HS3ST5: variants seen among roughly 807,000 people sequenced by gnomAD.
HS3ST5 encodes the protein heparan sulfate glucosamine 3-O-sulfotransferase 5.
In HS3ST5, 10 loss-of-function variants were observed where a neutral mutation model predicts 25.4. The observed-to-expected ratio is 0.39, with a 90% confidence interval of 0.24 to 0.67. The LOEUF is 0.67. Among genes scored for constraint, HS3ST5 ranks in the 30% least tolerant of loss-of-function variants. The pLI, the probability that HS3ST5 is intolerant of heterozygous loss-of-function variation, is 0.44. For synonymous variants in HS3ST5, 170 were observed against 162.4 expected (o/e 1.05, Z -0.36); for missense variants, 324 against 420.7 (o/e 0.77, Z 2.01).
At chr6:114,229,102 T>C (rs1335468334) in intron 1 of HS3ST5, among the ~76,000 whole-genome samples, 1 of 152,118 alleles carries the variant, frequency 6.6e-6, no homozygotes, top group Non-Finnish European at 1.5e-5. Context: ...GTTGATGAGG[T>C]CTCTTGGAAA....
intron 1 of HS3ST5, among the ~76,000 whole-genome samples, chr6:114,287,762 A>G (rs1774400984): frequency 6.6e-6 from 1 of 152,004 alleles, no homozygotes; most frequent in South Asian, 2.1e-4. Flanking sequence ...CCATAGCAGA[A>G]CCGACCAATG....
chr6:114,122,809 T>C (rs544306244), intron 3 of HS3ST5, among the ~76,000 whole-genome samples: 1 of 152,348 alleles, frequency 6.6e-6, no homozygotes, highest in South Asian at 2.1e-4. Context: ...CATAACATTA[T>C]TGTTTTAAAC....
intron 3 of HS3ST5, among the ~76,000 whole-genome samples, chr6:114,092,668 T>G (rs1475420433): frequency 6.6e-6 from 1 of 151,240 alleles, no homozygotes; most frequent in African/African-American, 2.4e-5. Context: ...ATTTATTTAT[T>G]TATTTATTTT....
intron 1 of HS3ST5, among the ~76,000 whole-genome samples, chr6:114,255,684 T>C (rs1395456674): frequency 6.6e-6 from 1 of 152,206 alleles, no homozygotes; most frequent in Non-Finnish European, 1.5e-5. Context: ...TCTGTGTACA[T>C]GCAGGCCCAA....
chr6:114,191,497 G>A (rs1780500834), intron 2 of HS3ST5, among the ~76,000 whole-genome samples: 2 of 152,194 alleles, frequency 1.3e-5, no homozygotes, highest in Non-Finnish European at 2.9e-5. Flanking sequence ...AAGATGACAT[G>A]AGAATCAAAT....
intron 2 of HS3ST5, among the ~76,000 whole-genome samples, chr6:114,201,570 T>A (rs73540374): frequency 0.014 from 2,090 of 152,244 alleles, 57 homozygotes; most frequent in African/African-American, 0.049. Flanking sequence ...TTAGGGTCAC[T>A]GCTCCCTCTG....
intron 2 of HS3ST5, among the ~76,000 whole-genome samples, chr6:114,213,433 G>T (rs1243475962): frequency 6.6e-6 from 1 of 152,050 alleles, no homozygotes; most frequent in African/African-American, 2.4e-5. Context: ...ACTCTGGGCT[G>T]TGGGTCCAGA....
chr6:114,301,079 G>A (rs1438908373), intron 1 of HS3ST5, among the ~76,000 whole-genome samples: 1 of 152,144 alleles, frequency 6.6e-6, no homozygotes, highest in Non-Finnish European at 1.5e-5. Flanking sequence ...AGAATAAAAT[G>A]TTCCAGAGAT....
intron 1 of HS3ST5, among the ~76,000 whole-genome samples, chr6:114,328,804 G>A (rs1294697366): frequency 6.6e-6 from 1 of 152,136 alleles, no homozygotes; most frequent in African/African-American, 2.4e-5. Flanking sequence ...TAAAAGATGG[G>A]CTTGATATTG....
At chr6:114,302,217 T>C (rs775659156) in intron 1 of HS3ST5, among the ~76,000 whole-genome samples, 1 of 152,118 alleles carries the variant, frequency 6.6e-6, no homozygotes, top group Non-Finnish European at 1.5e-5. Flanking sequence ...AACTAGGTAA[T>C]GAGAAAGACA....
At position 114,057,806 on chromosome 6, in the gene HS3ST5, C is replaced by G; in HGVS notation, c.492G>C (p.Glu164Asp). 1 of 1,613,866 alleles carries G rather than the reference C, an allele frequency of 6.2e-7. No individual in the cohort carries two copies. The highest frequency in any genetic ancestry group is 1.1e-5 in the South Asian group (1 of 91,070). Reference sequence around the variant, plus strand: ...TCATTTTGTAAATCCTTTCTGGAACCTCCTCTGTGATAAAATATGCTGGGC... The same window carrying G: ...TCATTTTGTAAATCCTTTCTGGAACGTCCTCTGTGATAAAATATGCTGGGC... ...EKSPAYFITEEVPERIYKMNS... is the reference protein window; with the variant it reads ...EKSPAYFITEDVPERIYKMNS... The change falls in exon 5 of 5, where the codon GAG (glutamate) becomes GAC (aspartate). Residue 164 changes from glutamate to aspartate, a missense_variant. By Grantham distance (45) the Glu-to-Asp change is conservative. Transcript: ENST00000312719.
In HS3ST5 at chr6:114,057,905, A is replaced by G. The variant is rs756577121; in HGVS notation, c.393T>C (p.Asn131=). Residue 131 remains asparagine, a synonymous_variant, in exon 5 of 5, where the codon AAT becomes AAC. Coordinates refer to ENST00000312719, the MANE Select transcript of HS3ST5 (RefSeq NM_153612.4). ...TATACCACTCAATGCCCTTACCATAATTCTCATCATTATCAAAAAAGTGGA... is the reference window on the plus strand; with the variant it reads ...TATACCACTCAATGCCCTTACCATAGTTCTCATCATTATCAAAAAAGTGGA... ...QEIHFFDNDE[N]YGKGIEWYRK... The G allele has an allele frequency of 5.0e-6, 8 of 1,614,156 alleles. No individual in the cohort carries two copies. The South Asian group carries it at 7.7e-5, about 16-fold the overall frequency.
chr6:114,071,793 A>G (rs1421754874), intron 3 of HS3ST5, among the ~76,000 whole-genome samples: 1 of 152,226 alleles, frequency 6.6e-6, no homozygotes, highest in Admixed American at 6.5e-5. Context: ...TCGAATACTC[A>G]TATATCCTTT....
At position 114,205,542 on chromosome 6, in the gene HS3ST5, AG is replaced by A. The variant is rs538706981; in HGVS notation, c.-145+23042del. On this transcript the variant is annotated intron_variant, in intron 2 of 4. Coordinates refer to ENST00000312719, the MANE Select transcript of HS3ST5 (RefSeq NM_153612.4). Reference sequence around the variant, plus strand: ...GTTTTTAATTGAAGTTACATTTCATAGGCATGATTGATGAGATCATTGGTCA... The same window carrying A: ...GTTTTTAATTGAAGTTACATTTCATAGCATGATTGATGAGATCATTGGTCA... Among the ~76,000 whole-genome samples the A allele has an allele frequency of 1.9e-4, 29 of 152,296 alleles. 1 individual carries two copies. The South Asian group carries it at 4.8e-3, about 25-fold the overall frequency.
intron 1 of HS3ST5, among the ~76,000 whole-genome samples, chr6:114,288,071 T>C (rs1260819687): frequency 6.6e-6 from 1 of 152,058 alleles, no homozygotes; most frequent in Non-Finnish European, 1.5e-5. Context: ...CTTAAGAAAG[T>C]CAGGAATTAC....
At chr6:114,124,839 C>T (rs1776965310) in intron 3 of HS3ST5, among the ~76,000 whole-genome samples, 1 of 152,110 alleles carries the variant, frequency 6.6e-6, no homozygotes, top group South Asian at 2.1e-4. Flanking sequence ...TGTTATATTT[C>T]TCTCCAGAAA....
chr6:114,161,588 G>GTGTA (rs1223973965), intron 3 of HS3ST5, among the ~76,000 whole-genome samples: 1 of 112,594 alleles, frequency 8.9e-6, no homozygotes, highest in African/African-American at 3.2e-5. Flanking sequence ...ATGCAATGGC[G>GTGTA]TGTATGTGTG....
At chr6:114,175,183 A>T (rs924019057) in intron 2 of HS3ST5, among the ~76,000 whole-genome samples, 2 of 152,320 alleles carry the variant, frequency 1.3e-5, no homozygotes, top group Admixed American at 1.3e-4. Flanking sequence ...GTGTTACTTG[A>T]TATGGCTGTG....
At chr6:114,169,142 A>C (rs922708345) in intron 2 of HS3ST5, among the ~76,000 whole-genome samples, 33 of 152,336 alleles carry the variant, frequency 2.2e-4, no homozygotes, top group African/African-American at 7.5e-4. Context: ...TTAAGAGTGT[A>C]TATGACATCT....
Sources: allele counts gnomAD v4.1 joint callset (sites outside exome capture counted in the v4.1 genomes callset), GRCh38; gene constraint gnomAD v4.1.1; transcripts MANE v1.5; gene names NCBI Gene and HGNC (gene_info 2026-07-23, HGNC 2026-07-21).